The following SPATA6 variants were observed in gnomAD, a reference collection of about 807,000 sequenced individuals.
SPATA6 encodes spermatogenesis-associated protein 6.
Under a neutral mutation model 65.3 loss-of-function variants are expected in SPATA6, and 56 were observed. The observed-to-expected ratio is 0.86, with a 90% CI of 0.69 to 1.07. The LOEUF (loss-of-function observed/expected upper bound fraction) is 1.07. Among genes scored for constraint, SPATA6 ranks in the 50% least tolerant of loss-of-function variants. The pLI, the probability that SPATA6 is intolerant of heterozygous loss-of-function variation, is 0.00. For synonymous variants in SPATA6, 199 were observed against 213.2 expected (o/e 0.93, Z 0.58); for missense variants, 590 against 594.8 (o/e 0.99, Z 0.08).
intron 3 of SPATA6, among the ~76,000 whole-genome samples, chr1:48,431,449 T>G (rs976899364): frequency 6.6e-6 from 1 of 152,122 alleles, no homozygotes; most frequent in African/African-American, 2.4e-5. Context: ...CCAAACACTC[T>G]ACCCACCCAC....
chr1:48,392,907 G>C (rs1303079830), intron 8 of SPATA6, among the ~76,000 whole-genome samples: 5 of 151,450 alleles, frequency 3.3e-5, no homozygotes, highest in Non-Finnish European at 7.4e-5. Context: ...TTGTCAGCCA[G>C]GGGAAAAAAT....
the SPATA6 span, among the ~76,000 whole-genome samples, chr1:48,270,090 T>C: frequency 1.3e-5 from 2 of 152,188 alleles, no homozygotes; most frequent in Middle Eastern, 6.8e-3. Context: ...GAAACAGAAA[T>C]GTAGTGATGC....
intron 8 of SPATA6, among the ~76,000 whole-genome samples, chr1:48,391,948 T>C (rs1335028311): frequency 6.6e-6 from 1 of 152,074 alleles, no homozygotes; most frequent in Non-Finnish European, 1.5e-5. Context: ...CAACTTACTA[T>C]CCTTCTTTAA....
intron 12 of SPATA6, among the ~76,000 whole-genome samples, chr1:48,305,399 A>C (rs1645036034): frequency 6.6e-6 from 1 of 152,164 alleles, no homozygotes; most frequent in Admixed American, 6.5e-5. Flanking sequence ...AAACTTGTAC[A>C]AATGTTATTA....
rs536765561 is a variant in SPATA6, at chr1:48,317,340, T to C, written c.1195-11462A>G. On this transcript the variant is annotated intron_variant, in intron 11 of 12. Coordinates refer to ENST00000371847, the MANE Select transcript of SPATA6 (RefSeq NM_019073.4). ...GGCACATATACACTGTGGAATACTA[T>C]GCAGCCATAAAAAATGATGAGTTCA... is the stretch of plus-strand genomic sequence containing the variant. Among the ~76,000 whole-genome samples, 176 of 152,306 alleles carry C rather than the reference T, an allele frequency of 1.2e-3. 2 individuals are homozygous for C. The highest frequency in any genetic ancestry group is 0.011 in the Admixed American group (171 of 15,292).
intron 3 of SPATA6, among the ~76,000 whole-genome samples, chr1:48,413,366 T>G (rs1252801367): frequency 6.6e-6 from 1 of 150,722 alleles, no homozygotes; most frequent in Non-Finnish European, 1.5e-5. Context: ...CTTGGCTCAC[T>G]GCAACCTCCG....
chr1:48,453,360 C>T (rs1656748735), intron 1 of SPATA6, among the ~76,000 whole-genome samples: 1 of 152,132 alleles, frequency 6.6e-6, no homozygotes, highest in Non-Finnish European at 1.5e-5. Context: ...GTTACTTGTG[C>T]CACATTTGAA....
At chr1:48,332,950 T>C (rs1163034879) in intron 11 of SPATA6, among the ~76,000 whole-genome samples, 4 of 152,104 alleles carry the variant, frequency 2.6e-5, no homozygotes, top group Non-Finnish European at 5.9e-5. Flanking sequence ...TACATGGAAA[T>C]TAAACAACCT....
chr1:48,390,389 C>T (rs1557654961), intron 8 of SPATA6, among the ~76,000 whole-genome samples: 1 of 152,008 alleles, frequency 6.6e-6, no homozygotes, highest in Admixed American at 6.5e-5. Context: ...GTAGAATAAT[C>T]GATACTAGAG....
intron 8 of SPATA6, chr1:48,393,217 A>C (rs954806521): frequency 1.3e-5 from 2 of 152,178 alleles, no homozygotes; most frequent in African/African-American, 4.8e-5. Context: ...TCAAATGAGT[A>C]AAATTAACAT....
At chr1:48,388,998 T>C (rs1053408342) in intron 8 of SPATA6, among the ~76,000 whole-genome samples, 1 of 152,082 alleles carries the variant, frequency 6.6e-6, no homozygotes, top group African/African-American at 2.4e-5. Flanking sequence ...CAGCTCTCCT[T>C]CCTCAGCCTC....
intron 11 of SPATA6, among the ~76,000 whole-genome samples, chr1:48,328,860 T>A (rs1424514082): frequency 6.6e-6 from 1 of 152,182 alleles, no homozygotes; most frequent in African/African-American, 2.4e-5. Context: ...ATTTTACAGA[T>A]AAAAGAGGGT....
intron 11 of SPATA6, among the ~76,000 whole-genome samples, chr1:48,340,433 T>C (rs1438241721): frequency 6.6e-6 from 1 of 151,480 alleles, no homozygotes; most frequent in Non-Finnish European, 1.5e-5. Context: ...TTAAAATGTG[T>C]AATATCAATA....
rs1644858732 is a variant in SPATA6 at position 48,298,742 on chromosome 1, A to G, written c.1438T>C (p.Ser480Pro). 1 of 1,613,760 alleles carries G rather than the reference A, an allele frequency of 6.2e-7. No homozygotes were observed. The highest frequency in any genetic ancestry group is 2.2e-5 in the East Asian group (1 of 44,872). ...AAGCTTTCCTGTGTATGTGAAGCAG[A>G]ACTACAGGCCTTTTTGTATAAGTTC... ...YRNLYKKACSSASHTQESF is the reference protein window; with the variant it reads ...YRNLYKKACSPASHTQESF Residue 480 changes from serine (S) to proline (P), a missense_variant, in exon 13 of 13, where the codon TCT (serine) becomes CCT (proline). Coordinates refer to ENST00000371847, the MANE Select transcript of SPATA6 (RefSeq NM_019073.4).
intron 7 of SPATA6, among the ~76,000 whole-genome samples, chr1:48,396,430 C>G (rs1650591612): frequency 6.6e-6 from 1 of 151,686 alleles, no homozygotes; most frequent in African/African-American, 2.4e-5. Flanking sequence ...TATTTGTACA[C>G]CTATGTTTAC....
chr1:48,269,447 T>C, the SPATA6 span, among the ~76,000 whole-genome samples: 1 of 152,154 alleles, frequency 6.6e-6, no homozygotes, highest in African/African-American at 2.4e-5. Flanking sequence ...TGTTCAACTG[T>C]AGAACCAACA....
intron 8 of SPATA6, among the ~76,000 whole-genome samples, chr1:48,386,713 A>ACCCTCGTGAG (rs1221773192): frequency 6.6e-6 from 1 of 152,164 alleles, no homozygotes; most frequent in East Asian, 1.9e-4. Context: ...GAGCTCCTGA[A>ACCCTCGTGAG]CCCTCGTGAG....
At chr1:48,420,570 T>C (rs1653228905) in intron 3 of SPATA6, among the ~76,000 whole-genome samples, 1 of 152,190 alleles carries the variant, frequency 6.6e-6, no homozygotes, top group African/African-American at 2.4e-5. Context: ...AAGAAGTTTA[T>C]TGCTTGCTTG....
the SPATA6 span, among the ~76,000 whole-genome samples, chr1:48,268,136 A>G: frequency 1.5e-4 from 23 of 152,060 alleles, no homozygotes; most frequent in Non-Finnish European, 3.2e-4. Flanking sequence ...GTGCAAAAAC[A>G]GGAGTGCCTG....
Sources: allele counts gnomAD v4.1 joint callset (sites outside exome capture counted in the v4.1 genomes callset), GRCh38; gene constraint gnomAD v4.1.1; transcripts MANE v1.5; gene names NCBI Gene and HGNC (gene_info 2026-07-23, HGNC 2026-07-21).